APBA2: variants seen among roughly 807,000 people sequenced by gnomAD.
APBA2 encodes the protein amyloid-beta A4 precursor protein-binding family A member 2.
A neutral mutation model predicts 75.0 loss-of-function variants in APBA2; 30 were observed. The observed-to-expected ratio is 0.40, with a 90% CI of 0.30 to 0.54. The LOEUF is 0.54. Among genes scored for constraint, APBA2 ranks in the 20% least tolerant of loss-of-function variants. The probability of loss-of-function intolerance (pLI) is 0.49; values close to 1 mark genes in which losing one functional copy is unlikely to be tolerated. For synonymous variants in APBA2, 444 were observed against 409.6 expected (o/e 1.08, Z -1.01); for missense variants, 801 against 1,016.1 (o/e 0.79, Z 2.88).
At chr15:29,062,978 G>A (rs1196997873) in intron 4 of APBA2, among the ~76,000 whole-genome samples, 5 of 136,768 alleles carry the variant, frequency 3.7e-5, no homozygotes, top group East Asian at 2.4e-4. Context: ...TGTATGGGTG[G>A]GGAGGGGAGT....
At chr15:29,096,823 G>T (rs1224088362) in intron 8 of APBA2, among the ~76,000 whole-genome samples, 1 of 152,234 alleles carries the variant, frequency 6.6e-6, no homozygotes, top group Non-Finnish European at 1.5e-5. Context: ...AGTGACCACG[G>T]AGAATTATTC....
At chr15:28,886,535 G>T (rs1292674780) in intron 1 of APBA2, among the ~76,000 whole-genome samples, 1 of 151,686 alleles carries the variant, frequency 6.6e-6, no homozygotes, top group Non-Finnish European at 1.5e-5. Flanking sequence ...CGGGGACCAG[G>T]CGGCGGCTCT....
At chr15:28,958,213 T>C (rs1450327546) in intron 2 of APBA2, among the ~76,000 whole-genome samples, 1 of 152,182 alleles carries the variant, frequency 6.6e-6, no homozygotes, top group Non-Finnish European at 1.5e-5. Context: ...TGCTGTCCTT[T>C]CTCCAGTCAC....
intron 2 of APBA2, among the ~76,000 whole-genome samples, chr15:28,947,948 A>C (rs897658385): frequency 3.9e-5 from 6 of 152,180 alleles, no homozygotes; most frequent in African/African-American, 1.4e-4. Context: ...GAGCACTAAC[A>C]AACAATCCCT....
At chr15:29,035,328 A>G (rs571757196) in intron 3 of APBA2, among the ~76,000 whole-genome samples, 52 of 152,330 alleles carry the variant, frequency 3.4e-4, no homozygotes, top group African/African-American at 1.2e-3. Context: ...ATCTTAAAAA[A>G]TAGATTCAGG....
intron 2 of APBA2, among the ~76,000 whole-genome samples, chr15:28,982,415 C>G (rs537911425): frequency 6.6e-6 from 1 of 152,298 alleles, no homozygotes; most frequent in Non-Finnish European, 1.5e-5. Context: ...GTGACATAAA[C>G]TTTTTCTTAT....
intron 2 of APBA2, among the ~76,000 whole-genome samples, chr15:28,968,627 T>C (rs1235446158): frequency 6.6e-6 from 1 of 152,228 alleles, no homozygotes; most frequent in East Asian, 1.9e-4. Flanking sequence ...TGATGCTCAA[T>C]GCCCCTGTTT....
chr15:28,892,136 T>A (rs1438720121), intron 1 of APBA2, among the ~76,000 whole-genome samples: 3 of 152,296 alleles, frequency 2.0e-5, no homozygotes, highest in Middle Eastern at 3.4e-3. Flanking sequence ...GTGCAGTGGC[T>A]CAATCTCAGC....
chr15:28,953,008 C>A (rs142554214), intron 2 of APBA2, among the ~76,000 whole-genome samples: 24 of 152,106 alleles, frequency 1.6e-4, no homozygotes, highest in Non-Finnish European at 7.4e-5. Flanking sequence ...GAAGAACAGG[C>A]GGGTCTTGTT....
chr15:29,101,484 G>C, intron 9 of APBA2, 115 bp from the exon 10 acceptor site: 3 of 1,151,200 alleles, frequency 2.6e-6, no homozygotes, highest in Non-Finnish European at 3.8e-6. Context: ...TGCCTGCCTC[G>C]GCCTCCCAAA....
At chr15:28,890,763 T>C (rs933098847) in intron 1 of APBA2, among the ~76,000 whole-genome samples, 3 of 152,218 alleles carry the variant, frequency 2.0e-5, no homozygotes, top group African/African-American at 7.2e-5. Flanking sequence ...GCGGTTGTTT[T>C]GAGGCACAAA....
chr15:29,010,979 G>C (rs2039375735), intron 3 of APBA2, among the ~76,000 whole-genome samples: 1 of 152,140 alleles, frequency 6.6e-6, no homozygotes, highest in African/African-American at 2.4e-5. Flanking sequence ...TTGCGAATCT[G>C]AACATCTATA....
rs2036124477 is a variant in APBA2 at position 28,955,606 on chromosome 15, C to G, written c.-95+33857C>G. On this transcript the variant is annotated intron_variant, in intron 2 of 14. Coordinates refer to ENST00000683413, the MANE Select transcript of APBA2 (RefSeq NM_001353788.2). ...AAATGCATCTTTTGTGGGATTTCTT[C>G]TGAGTAATTAAGAGGGTCTAAGAAG... Among the ~76,000 whole-genome samples, 4 of 152,160 alleles carry G rather than the reference C, an allele frequency of 2.6e-5. No homozygotes were observed. The South Asian group carries it at 8.3e-4, about 31-fold the overall frequency.
chr15:29,095,387 G>C (rs1176914788), intron 8 of APBA2, among the ~76,000 whole-genome samples: 1 of 150,728 alleles, frequency 6.6e-6, no homozygotes, highest in Non-Finnish European at 1.5e-5. Context: ...CCGAGATCAT[G>C]CCATTGCACT....
At chr15:28,994,141 T>A (rs2038382916) in intron 2 of APBA2, among the ~76,000 whole-genome samples, 1 of 152,196 alleles carries the variant, frequency 6.6e-6, no homozygotes, top group East Asian at 1.9e-4. Flanking sequence ...GGAATACTAT[T>A]TGATGCTAAT....
intron 3 of APBA2, among the ~76,000 whole-genome samples, chr15:29,012,470 C>T (rs2152816719): frequency 6.6e-6 from 1 of 152,328 alleles, no homozygotes; most frequent in Middle Eastern, 3.4e-3. Context: ...TTTATCACTG[C>T]TGATGTTACC....
At chr15:28,913,831 T>C (rs554493761) in intron 1 of APBA2, among the ~76,000 whole-genome samples, 1 of 152,352 alleles carries the variant, frequency 6.6e-6, no homozygotes, top group South Asian at 2.1e-4. Flanking sequence ...GTTTGGTAGA[T>C]TCTATTTCAT....
rs184668221 is a variant in APBA2 at position 28,890,425 on chromosome 15, C to T, written c.-205+4147C>T. Among the ~76,000 whole-genome samples the T allele has an allele frequency of 3.3e-5, 5 of 152,328 alleles. No homozygotes were observed. In the East Asian group the frequency reaches 9.6e-4, roughly 29 times the overall value. On this transcript the variant is annotated intron_variant, in intron 1 of 14. Coordinates refer to ENST00000683413, the MANE Select transcript of APBA2 (RefSeq NM_001353788.2). ...ACTTTGGAAGGAGGCACCCCCACGCCCAGATTCCCTTCCCACTCCATCTGG... is the reference window on the plus strand; with the variant it reads ...ACTTTGGAAGGAGGCACCCCCACGCTCAGATTCCCTTCCCACTCCATCTGG...
At chr15:29,068,701 A>G (rs551281403) in intron 4 of APBA2, among the ~76,000 whole-genome samples, 11 of 152,230 alleles carry the variant, frequency 7.2e-5, no homozygotes, top group African/African-American at 2.6e-4. Flanking sequence ...CCCCTGGACC[A>G]TCTCCCACTT....
Sources: allele counts gnomAD v4.1 joint callset (sites outside exome capture counted in the v4.1 genomes callset), GRCh38; gene constraint gnomAD v4.1.1; transcripts MANE v1.5; gene names NCBI Gene and HGNC (gene_info 2026-07-23, HGNC 2026-07-21).